The following LPP variants were observed in gnomAD, a reference collection of about 807,000 sequenced individuals.
LPP encodes the protein lipoma-preferred partner.
A neutral mutation model predicts 60.4 loss-of-function variants in LPP; 38 were observed. That is an observed-to-expected ratio of 0.63 (90% CI 0.49 to 0.83). The LOEUF (loss-of-function observed/expected upper bound fraction) is 0.83, where lower values mean the gene tolerates loss of function less well. Ranked by LOEUF, LPP falls within the 40% of genes least tolerant of loss-of-function variation. The probability of loss-of-function intolerance (pLI) is 0.00; values close to 1 mark genes in which losing one functional copy is unlikely to be tolerated. For missense variants in LPP, 902 were observed against 783.6 expected (o/e 1.15, Z -1.80); for synonymous variants, 328 against 290.8 (o/e 1.13, Z -1.30).
intron 2 of LPP, among the ~76,000 whole-genome samples, chr3:188,308,012 C>T (rs369540839): frequency 2.6e-5 from 4 of 152,140 alleles, no homozygotes; most frequent in African/African-American, 7.2e-5. Flanking sequence ...TGTTTGGACA[C>T]GATTTTTAGT....
intron 4 of LPP, among the ~76,000 whole-genome samples, chr3:188,481,472 A>T (rs2149631123): frequency 6.6e-6 from 1 of 152,338 alleles, no homozygotes. Context: ...TTTCTTAAAA[A>T]AACCAAAAAC....
chr3:188,781,228 G>A (rs112756299), intron 9 of LPP, among the ~76,000 whole-genome samples: 3,445 of 152,254 alleles, frequency 0.023, 110 homozygotes, highest in African/African-American at 0.073. Flanking sequence ...TTAGCAATAT[G>A]TACTACATTA....
intron 4 of LPP, among the ~76,000 whole-genome samples, chr3:188,433,336 A>G (rs1791423682): frequency 6.6e-6 from 1 of 152,100 alleles, no homozygotes; most frequent in African/African-American, 2.4e-5. Flanking sequence ...GAGGGTTAAG[A>G]AAGTCAATCA....
At chr3:188,729,418 T>C (rs1719609037) in intron 8 of LPP, among the ~76,000 whole-genome samples, 1 of 152,342 alleles carries the variant, frequency 6.6e-6, no homozygotes, top group East Asian at 1.9e-4. Context: ...TAGTGATTTA[T>C]GTAAAACTGA....
chr3:188,829,754 T>A (rs1465703141), intron 9 of LPP, among the ~76,000 whole-genome samples: 1 of 152,190 alleles, frequency 6.6e-6, no homozygotes, highest in African/African-American at 2.4e-5. Context: ...ACCTGAGTCC[T>A]CACCCCAGCT....
At chr3:188,653,395 G>T (rs1323199904) in intron 7 of LPP, among the ~76,000 whole-genome samples, 1 of 151,884 alleles carries the variant, frequency 6.6e-6, no homozygotes, top group African/African-American at 2.4e-5. Flanking sequence ...AGAAAATATG[G>T]TTAACATAAT....
At chr3:188,162,341 C>T (rs1318447841) in intron 1 of LPP, among the ~76,000 whole-genome samples, 1 of 152,172 alleles carries the variant, frequency 6.6e-6, no homozygotes, top group Admixed American at 6.5e-5. Context: ...ATCAAACCCC[C>T]CTCTCCAAAA....
At position 188,454,440 on chromosome 3, in the gene LPP, A is replaced by T. The variant is rs563557835; in HGVS notation, c.194-30152A>T. Among the ~76,000 whole-genome samples the T allele has an allele frequency of 2.0e-5, 3 of 152,294 alleles. No homozygotes were observed. In the South Asian group the frequency reaches 6.2e-4, roughly 32 times the overall value. On this transcript the variant is annotated intron_variant, in intron 4 of 11. Coordinates refer to ENST00000617246, the MANE Select transcript of LPP (RefSeq NM_001375462.1). The stretch of plus-strand genomic sequence containing the variant: ...TTCTGTTGTAGACTTTAAATTTACG[A>T]TTTGAGATAAACTGAATGCTAAATC...
intron 5 of LPP, among the ~76,000 whole-genome samples, chr3:188,489,563 T>C (rs73890522): frequency 0.021 from 3,136 of 152,316 alleles, 97 homozygotes; most frequent in African/African-American, 0.07. Flanking sequence ...TCTGAAACCA[T>C]TGACAATTTA....
At chr3:188,434,789 G>A (rs1791895936) in intron 4 of LPP, among the ~76,000 whole-genome samples, 1 of 152,172 alleles carries the variant, frequency 6.6e-6, no homozygotes, top group South Asian at 2.1e-4. Flanking sequence ...ATGATGGATC[G>A]AATTAGATGA....
intron 2 of LPP, among the ~76,000 whole-genome samples, chr3:188,332,440 CACTT>C (rs915943409): frequency 8.5e-5 from 13 of 152,288 alleles, no homozygotes; most frequent in Admixed American, 3.3e-4. Flanking sequence ...ATTTCACAAA[CACTT>C]ACTAATCCCA....
chr3:188,319,019 A>G (rs553635784), intron 2 of LPP, among the ~76,000 whole-genome samples: 37 of 152,032 alleles, frequency 2.4e-4, no homozygotes, highest in Non-Finnish European at 4.6e-4. Flanking sequence ...CGGCCTCCCA[A>G]AGTGCTGGGA....
At chr3:188,528,931 T>C (rs1358430295) in intron 6 of LPP, among the ~76,000 whole-genome samples, 3 of 152,074 alleles carry the variant, frequency 2.0e-5, no homozygotes, top group Non-Finnish European at 4.4e-5. Context: ...ATTCAGAAGG[T>C]CAAAAAAAAT....
At chr3:188,850,125 G>A (rs542563919) in intron 9 of LPP, among the ~76,000 whole-genome samples, 1 of 152,336 alleles carries the variant, frequency 6.6e-6, no homozygotes, top group South Asian at 2.1e-4. Context: ...CTGCCTGAGT[G>A]AGTCTGATGT....
Position 188,837,565 on chromosome 3 carries a change from G to A in LPP, c.1411-28635G>A, listed in dbSNP as rs1758808323. On this transcript the variant is annotated intron_variant, in intron 9 of 11. Coordinates refer to ENST00000617246, the MANE Select transcript of LPP (RefSeq NM_001375462.1). ...ACAATAGTCACCCTCATCAGCAACTGAGAAATTCAGTCTGTTCTGCCAACC... is the reference window on the plus strand; with the variant it reads ...ACAATAGTCACCCTCATCAGCAACTAAGAAATTCAGTCTGTTCTGCCAACC... Among the ~76,000 whole-genome samples, 2 of 151,964 alleles carry A rather than the reference G, an allele frequency of 1.3e-5. 1 individual carries two copies. Among genetic ancestry groups the A allele is most frequent in the South Asian group, 4.1e-4 (2 of 4,820 alleles).
At chr3:188,733,474 G>GC (rs1419079738) in intron 8 of LPP, among the ~76,000 whole-genome samples, 2 of 152,028 alleles carry the variant, frequency 1.3e-5, no homozygotes, top group African/African-American at 4.8e-5. Flanking sequence ...GAAAAATTAA[G>GC]CCCCCCTTCT....
intron 2 of LPP, among the ~76,000 whole-genome samples, chr3:188,270,359 C>G (rs1462122339): frequency 6.6e-6 from 1 of 150,842 alleles, no homozygotes; most frequent in Non-Finnish European, 1.5e-5. Context: ...GTGTGTTAAA[C>G]TTGCCACTTT....
At chr3:188,166,792 T>C (rs1230766757) in intron 1 of LPP, among the ~76,000 whole-genome samples, 5 of 149,838 alleles carry the variant, frequency 3.3e-5, no homozygotes, top group Admixed American at 1.4e-4. Context: ...TATAAATAAT[T>C]TAATAAATGT....
intron 3 of LPP, among the ~76,000 whole-genome samples, chr3:188,390,064 C>A (rs947951882): frequency 3.9e-5 from 6 of 152,162 alleles, no homozygotes; most frequent in African/African-American, 1.4e-4. Flanking sequence ...GGACCCACAG[C>A]ATGAGATTCT....
Sources: allele counts gnomAD v4.1 joint callset (sites outside exome capture counted in the v4.1 genomes callset), GRCh38; gene constraint gnomAD v4.1.1; transcripts MANE v1.5; gene names NCBI Gene and HGNC (gene_info 2026-07-23, HGNC 2026-07-21).